Variants in TNIP3 observed in about 807,000 individuals in gnomAD.
TNIP3 encodes the protein TNFAIP3 interacting protein 3, also known as TNFAIP3-interacting protein 3.
Under a neutral mutation model 54.1 loss-of-function variants are expected in TNIP3, and 34 were observed. The observed-to-expected ratio is 0.63, with a 90% CI of 0.48 to 0.84. The LOEUF (loss-of-function observed/expected upper bound fraction) is 0.84. TNIP3 is among the 40% of genes least tolerant of loss of function. TNIP3 has a pLI of 0.00. For missense variants in TNIP3, 366 were observed against 387.6 expected (o/e 0.94, Z 0.47); for synonymous variants, 134 against 136.8 (o/e 0.98, Z 0.14).
chr4:121,172,561 T>A (rs1724031477), intron 3 of TNIP3, among the ~76,000 whole-genome samples: 1 of 152,220 alleles, frequency 6.6e-6, no homozygotes, highest in Non-Finnish European at 1.5e-5. Context: ...CCAGTCAAAT[T>A]TGAATTTCAG....
At chr4:121,140,062 G>A (rs916176015) in intron 9 of TNIP3, among the ~76,000 whole-genome samples, 2 of 151,810 alleles carry the variant, frequency 1.3e-5, no homozygotes, top group East Asian at 1.9e-4. Flanking sequence ...CTGGCCAGGC[G>A]CAGTGGCTCA....
At chr4:121,159,291 A>C (rs1730304126) in intron 2 of TNIP3, among the ~76,000 whole-genome samples, 1 of 152,186 alleles carries the variant, frequency 6.6e-6, no homozygotes, top group African/African-American at 2.4e-5. Context: ...AAAACCAGTA[A>C]GTCTCAGGTA....
chr4:121,134,811 C>T (rs999201684), intron 10 of TNIP3, among the ~76,000 whole-genome samples: 2 of 152,184 alleles, frequency 1.3e-5, no homozygotes, highest in Non-Finnish European at 2.9e-5. Context: ...AGCCCTCCTC[C>T]AGCCACACCC....
chr4:121,170,118 T>C (rs1486431448), intron 3 of TNIP3, among the ~76,000 whole-genome samples: 1 of 152,232 alleles, frequency 6.6e-6, no homozygotes, highest in Admixed American at 6.5e-5. Flanking sequence ...TACTTCCTTC[T>C]TTATGATCTC....
intron 1 of TNIP3, 24 bp downstream of exon 1, chr4:121,164,036 C>T (rs761482335): frequency 6.2e-7 from 1 of 1,612,652 alleles, no homozygotes; most frequent in South Asian, 1.1e-5. Context: ...GTGATCAACT[C>T]ATCTCCTAGA....
At chr4:121,169,386 G>T (rs1273283382) in intron 3 of TNIP3, among the ~76,000 whole-genome samples, 1 of 151,930 alleles carries the variant, frequency 6.6e-6, no homozygotes, top group East Asian at 1.9e-4. Flanking sequence ...TCTTTACTTG[G>T]CCTCCCAATT....
intron 2 of TNIP3, among the ~76,000 whole-genome samples, chr4:121,193,618 G>T (rs1376478466): frequency 6.6e-6 from 1 of 152,064 alleles, no homozygotes; most frequent in African/African-American, 2.4e-5. Flanking sequence ...CTGAAAATTT[G>T]ATAAGAAATG....
At chr4:121,167,987 C>T (rs1001546252), upstream of TNIP3, among the ~76,000 whole-genome samples, 1 of 152,040 alleles carries the variant, frequency 6.6e-6, no homozygotes, top group Non-Finnish European at 1.5e-5. Flanking sequence ...ACTTGCCTTC[C>T]CTGTTACAAT....
intron 2 of TNIP3, among the ~76,000 whole-genome samples, chr4:121,200,234 A>C (rs555191814): frequency 1.2e-4 from 18 of 152,152 alleles, no homozygotes; most frequent in Non-Finnish European, 2.5e-4. Context: ...ATGCTGAACA[A>C]TGGGTTCACC....
At chr4:121,214,777 T>A (rs1440342827) in intron 2 of TNIP3, among the ~76,000 whole-genome samples, 1 of 152,210 alleles carries the variant, frequency 6.6e-6, no homozygotes, top group Non-Finnish European at 1.5e-5. Context: ...ACTTCATCCT[T>A]AAATGACTCC....
chr4:121,148,101 A>G (rs1407810876), intron 6 of TNIP3, among the ~76,000 whole-genome samples: 1 of 152,216 alleles, frequency 6.6e-6, no homozygotes, highest in Non-Finnish European at 1.5e-5. Context: ...GATGCTCTGT[A>G]AACAATTACC....
chr4:121,225,885 C>T (rs946476971), intron 1 of TNIP3, among the ~76,000 whole-genome samples: 2 of 152,100 alleles, frequency 1.3e-5, no homozygotes, highest in African/African-American at 4.8e-5. Context: ...TGCCACAGGT[C>T]TCTTTGACAG....
intron 2 of TNIP3, among the ~76,000 whole-genome samples, chr4:121,213,867 A>C (rs561485694): frequency 2.0e-5 from 3 of 152,244 alleles, no homozygotes; most frequent in African/African-American, 7.2e-5. Flanking sequence ...AGGATCATAC[A>C]TGTTGAGTGG....
chr4:121,209,241 T>C (rs1726347826), intron 2 of TNIP3, among the ~76,000 whole-genome samples: 1 of 152,212 alleles, frequency 6.6e-6, no homozygotes, highest in African/African-American at 2.4e-5. Context: ...TGGCAACATG[T>C]GTTTCCTGAG....
At chr4:121,225,417 G>T (rs1161487017) in intron 1 of TNIP3, among the ~76,000 whole-genome samples, 1 of 152,080 alleles carries the variant, frequency 6.6e-6, no homozygotes, top group Non-Finnish European at 1.5e-5. Flanking sequence ...CATTAGAAAA[G>T]CATTTTTTCT....
At chr4:121,157,363 G>A in intron 3 of TNIP3, 120 bp from the exon 4 acceptor site, 1 of 1,268,652 alleles carries the variant, frequency 7.9e-7, no homozygotes, top group Non-Finnish European at 1.1e-6. Flanking sequence ...CCCCTAAGGA[G>A]AGGTTCTAGC....
chr4:121,180,828 C>G (rs980728847), intron 3 of TNIP3, among the ~76,000 whole-genome samples: 4 of 152,224 alleles, frequency 2.6e-5, no homozygotes, highest in African/African-American at 9.6e-5. Context: ...CTTATCTATT[C>G]TGTCTCCCTA....
chr4:121,142,847 C>CT, intron 7 of TNIP3, 71 bp from the exon 8 acceptor site: 1 of 1,360,946 alleles, frequency 7.3e-7, no homozygotes. Flanking sequence ...CACTCTTGAC[C>CT]TACTCAAGTG....
chr4:121,215,682 A>T (rs1470756485), intron 2 of TNIP3, among the ~76,000 whole-genome samples: 1 of 152,098 alleles, frequency 6.6e-6, no homozygotes, highest in East Asian at 1.9e-4. Context: ...ACTCTCTGGA[A>T]ATCTCACTTT....
Sources: allele counts gnomAD v4.1 joint callset (sites outside exome capture counted in the v4.1 genomes callset), GRCh38; gene constraint gnomAD v4.1.1; transcripts MANE v1.5; gene names NCBI Gene and HGNC (gene_info 2026-07-23, HGNC 2026-07-21).